The following ARHGEF18 variants were observed in gnomAD, a reference collection of about 807,000 sequenced individuals.
ARHGEF18 encodes the protein rho guanine nucleotide exchange factor 18.
In ARHGEF18, 93 loss-of-function variants were observed where a neutral mutation model predicts 155.7. That is an observed-to-expected ratio of 0.60 (90% CI 0.50 to 0.71). The LOEUF (loss-of-function observed/expected upper bound fraction) is 0.71. ARHGEF18 is among the 30% of genes least tolerant of loss of function. ARHGEF18 has a pLI of 0.00. For synonymous variants in ARHGEF18, 742 were observed against 753.1 expected (o/e 0.99, Z 0.24); for missense variants, 1,593 against 1,816.1 (o/e 0.88, Z 2.23).
At chr19:7,385,356 G>C (rs1044202431) in intron 10 of ARHGEF18, among the ~76,000 whole-genome samples, 14 of 151,952 alleles carry the variant, frequency 9.2e-5, no homozygotes, top group Non-Finnish European at 1.8e-4. Context: ...AAATCCTGAG[G>C]TCTTTAAACT....
At position 7,453,517 on chromosome 19, in the gene ARHGEF18, G is replaced by T; in HGVS notation, c.1906G>T (p.Asp636Tyr). 2 of 1,613,862 alleles carry T rather than the reference G, an allele frequency of 1.2e-6. No homozygotes were observed. Among genetic ancestry groups the T allele is most frequent in the Non-Finnish European group, 1.7e-6 (2 of 1,179,776 alleles). Reference sequence around the variant, plus strand: ...GACCCAGGCCTTGAACCTCATCAAAGATATCATCTCACAAGTGGACGCCAA... The same window carrying T: ...GACCCAGGCCTTGAACCTCATCAAATATATCATCTCACAAGTGGACGCCAA... ...DLTQALNLIKDIISQVDAKVS... is the reference protein window; with the variant it reads ...DLTQALNLIKYIISQVDAKVS... The change falls in exon 17 of 29, where the codon GAT (aspartate) becomes TAT (tyrosine). Residue 636 changes from aspartate to tyrosine, a missense_variant. By Grantham distance (160) the Asp-to-Tyr change is radical. Transcript: ENST00000668164.
In ARHGEF18 at chr19:7,440,685, C is replaced by T. The variant is rs903899458; in HGVS notation, c.1106+203C>T. On this transcript the variant is annotated intron_variant, in intron 11 of 28. Coordinates refer to ENST00000668164, the MANE Select transcript of ARHGEF18 (RefSeq NM_001367823.1). The surrounding 1 kb of genome is among the most constrained non-coding windows in gnomAD (Gnocchi z 5.4). Reference sequence around the variant, plus strand: ...AAAACGATGTGTCCCGGGGTGTATTCGGCCCCTGGTGGAGCCAGTTTGCTT... The same window carrying T: ...AAAACGATGTGTCCCGGGGTGTATTTGGCCCCTGGTGGAGCCAGTTTGCTT... Among the ~76,000 whole-genome samples the T allele has an allele frequency of 5.3e-5, 8 of 152,154 alleles. No individual in the cohort carries two copies. Among genetic ancestry groups the T allele is most frequent in the African/African-American group, 1.9e-4 (8 of 41,428 alleles).
At chr19:7,373,788 G>A (rs1970311362) in intron 3 of ARHGEF18, among the ~76,000 whole-genome samples, 1 of 151,266 alleles carries the variant, frequency 6.6e-6, no homozygotes, top group South Asian at 2.1e-4. Flanking sequence ...TTCTCATAAG[G>A]AGTGTGCAAC....
At chr19:7,355,795 G>T in intron 1 of ARHGEF18, 4 of 847,650 alleles carry the variant, frequency 4.7e-6, no homozygotes, top group Non-Finnish European at 5.7e-6. Flanking sequence ...CTTTTTCTTG[G>T]CTGCAGTACA....
chr19:7,467,543 C>T lies in ARHGEF18; in HGVS notation c.3339C>T (p.Arg1113=), dbSNP rs2145912229. Reference sequence around the variant, plus strand: ...AGCGGGCCGAGCTGGAGCGCCAGCGCCAGGCCTACCAGCACGACCTGGAGC... The same window carrying T: ...AGCGGGCCGAGCTGGAGCGCCAGCGTCAGGCCTACCAGCACGACCTGGAGC... ...EQERAELERQ[R]QAYQHDLERL... Residue 1113 remains arginine (R), a synonymous_variant, in exon 26 of 29, where the codon CGC becomes CGT. Coordinates refer to ENST00000668164, the MANE Select transcript of ARHGEF18 (RefSeq NM_001367823.1). 1 of 1,462,854 alleles carries T rather than the reference C, an allele frequency of 6.8e-7. No homozygotes were observed. Among genetic ancestry groups the T allele is most frequent in the African/African-American group, 1.5e-5 (1 of 67,440 alleles). The allele number at this position is 1,462,854 out of a possible 1,614,324, so 90.6% of individuals were successfully genotyped here.
chr19:7,389,017 A>G (rs982345713), intron 10 of ARHGEF18, among the ~76,000 whole-genome samples: 3 of 150,538 alleles, frequency 2.0e-5, no homozygotes, highest in African/African-American at 7.3e-5. Context: ...ACAGAGTCTC[A>G]CTCTGTTGCC....
chr19:7,369,247 A>T (rs1040307505), intron 2 of ARHGEF18, among the ~76,000 whole-genome samples: 1 of 151,772 alleles, frequency 6.6e-6, no homozygotes, highest in Non-Finnish European at 1.5e-5. Context: ...GGATCATCTG[A>T]GGTCGGGGGT....
Position 7,453,554 on chromosome 19 carries a change from G to A in ARHGEF18, c.1943G>A (p.Cys648Tyr), listed in dbSNP as rs2145845384. Residue 648 changes from cysteine to tyrosine, a missense_variant, in exon 17 of 29, where the codon TGT becomes TAT. Coordinates refer to ENST00000668164, the MANE Select transcript of ARHGEF18 (RefSeq NM_001367823.1). ...ISQVDAKVSECEKGQRLREIA... is the reference protein window; with the variant it reads ...ISQVDAKVSEYEKGQRLREIA... ...CAAGTGGACGCCAAGGTCAGTGAGT[G>A]TGAGAAGGGCCAGCGCCTCAGGGAG... 2 of 1,614,142 alleles carry A rather than the reference G, an allele frequency of 1.2e-6. No individual in the cohort carries two copies. Among genetic ancestry groups the A allele is most frequent in the East Asian group, 2.2e-5 (1 of 44,890 alleles).
chr19:7,459,335 CT>C (rs1976052929), intron 19 of ARHGEF18, among the ~76,000 whole-genome samples: 1 of 152,242 alleles, frequency 6.6e-6, no homozygotes. Context: ...ATCCTACCCC[CT>C]CGGCCTCCCA....
intron 10 of ARHGEF18, among the ~76,000 whole-genome samples, chr19:7,412,525 T>C (rs1199484614): frequency 2.0e-5 from 3 of 151,798 alleles, no homozygotes; most frequent in Non-Finnish European, 4.4e-5. Flanking sequence ...GCGGATCACC[T>C]GAGGTCAGGA....
At chr19:7,364,402 A>AAGGAAGGAAGGAAGGAAGGC (rs36151895) in intron 2 of ARHGEF18, among the ~76,000 whole-genome samples, 13,737 of 129,204 alleles carry the variant, frequency 0.11, 1,212 homozygotes, top group Non-Finnish European at 0.14. Flanking sequence ...GGAAGGAAGG[A>AAGGAAGGAAGGAAGGAAGGC]AGGCAGGCTG....
At chr19:7,370,909 T>C (rs1970173193) in intron 2 of ARHGEF18, among the ~76,000 whole-genome samples, 1 of 149,890 alleles carries the variant, frequency 6.7e-6, no homozygotes, top group African/African-American at 2.5e-5. Context: ...GCTTTTTTTT[T>C]TTCTTTCTTT....
intron 2 of ARHGEF18, among the ~76,000 whole-genome samples, chr19:7,370,724 A>G (rs2145393461): frequency 6.6e-6 from 1 of 152,096 alleles, no homozygotes; most frequent in East Asian, 1.9e-4. Flanking sequence ...CATCCACACA[A>G]TGGAATACAA....
Position 7,462,757 on chromosome 19 carries a change from C to CT in ARHGEF18, c.2635+424dup, listed in dbSNP as rs1189322632. ...CCTCAGTGGGTCCCCACGCACAGCTCTAACACAGCCGCCAGGCCCCTGGGC... is the reference window on the plus strand; with the variant it reads ...CCTCAGTGGGTCCCCACGCACAGCTCTTAACACAGCCGCCAGGCCCCTGGGC... On this transcript the variant is annotated intron_variant, in intron 21 of 28. Coordinates refer to ENST00000668164, the MANE Select transcript of ARHGEF18 (RefSeq NM_001367823.1). This position sits in a 1 kb window ranked among gnomAD's most constrained non-coding sequence, Gnocchi z 4.4. 6.6e-6 allele frequency among the ~76,000 whole-genome samples: 1 copy of CT among 152,072 alleles called. No homozygotes were observed. Among genetic ancestry groups the CT allele is most frequent in the African/African-American group, 2.4e-5 (1 of 41,406 alleles).
At chr19:7,385,819 A>ATCTCTCTC (rs1252967510) in intron 10 of ARHGEF18, among the ~76,000 whole-genome samples, 19 of 89,320 alleles carry the variant, frequency 2.1e-4, no homozygotes, top group African/African-American at 5.2e-4. Context: ...TAGAGATAGG[A>ATCTCTCTC]TCTATCTCTC....
At chr19:7,468,478 C>T (rs1976803031) in intron 26 of ARHGEF18, among the ~76,000 whole-genome samples, 1 of 152,168 alleles carries the variant, frequency 6.6e-6, no homozygotes, top group African/African-American at 2.4e-5. Flanking sequence ...GCCCAAGAGG[C>T]TCAAGAGCTA....
intron 1 of ARHGEF18, among the ~76,000 whole-genome samples, chr19:7,361,756 G>T: frequency 6.6e-6 from 1 of 152,070 alleles, no homozygotes; most frequent in East Asian, 1.9e-4. Context: ...ACTTTGGGAG[G>T]CTGAGGCATG....
intron 1 of ARHGEF18, among the ~76,000 whole-genome samples, chr19:7,358,032 C>T (rs1051754737): frequency 6.6e-6 from 1 of 152,132 alleles, no homozygotes; most frequent in African/African-American, 2.4e-5. Flanking sequence ...TAATGCATCG[C>T]TGCCTCTGGA....
At position 7,459,958 on chromosome 19, in the gene ARHGEF18, G is replaced by GTCGAGGC. The variant is rs1382840352; in HGVS notation, c.2417_2423dup (p.Ala810GlyfsTer104). The GTCGAGGC allele has an allele frequency of 6.3e-7, 1 of 1,590,832 alleles. No homozygotes were observed. ...CCTGCCCGAAGAGGAAAGGAAGGTG[G>GTCGAGGC]TCGAGGCCCGCGCCACGAGACTCCG... On this transcript the variant is annotated frameshift_variant, in exon 20 of 29. Transcript: ENST00000668164. LOFTEE classifies it high-confidence loss of function.
Sources: gnomAD v4.1 joint callset for allele counts (sites outside exome capture counted in the v4.1 genomes callset) on GRCh38, gnomAD v4.1.1 for gene constraint, Gnocchi (gnomAD v3.1) non-coding constraint, MANE v1.5 for transcripts, NCBI Gene and HGNC (gene_info 2026-07-23, HGNC 2026-07-21) for gene names.